LNX1: variants seen among roughly 807,000 people sequenced by gnomAD.
The protein encoded by LNX1 is E3 ubiquitin-protein ligase LNX.
In LNX1, 54 loss-of-function variants were observed where a neutral mutation model predicts 68.4. That is an observed-to-expected ratio of 0.79 (90% CI 0.63 to 0.99). The LOEUF (loss-of-function observed/expected upper bound fraction) is 0.99. Among genes scored for constraint, LNX1 ranks in the 50% least tolerant of loss-of-function variants. The pLI is 0.00. For synonymous variants in LNX1, 336 were observed against 350.0 expected (o/e 0.96, Z 0.45); for missense variants, 906 against 926.4 (o/e 0.98, Z 0.29).
intron 2 of LNX1, among the ~76,000 whole-genome samples, chr4:53,509,103 G>A (rs550341045): frequency 2.7e-4 from 41 of 152,236 alleles, no homozygotes; most frequent in African/African-American, 9.1e-4. Flanking sequence ...ACTGCCACTC[G>A]GCAAGTCATT....
chr4:53,584,569 C>T (rs113885431), intron 1 of LNX1, among the ~76,000 whole-genome samples: 4 of 152,080 alleles, frequency 2.6e-5, no homozygotes, highest in Non-Finnish European at 5.9e-5. Flanking sequence ...ATGATAAATG[C>T]GATCTGGACA....
chr4:53,619,759 C>G (rs60502260), upstream of LNX1, among the ~76,000 whole-genome samples: 2,785 of 152,188 alleles, frequency 0.018, 84 homozygotes, highest in African/African-American at 0.063. Context: ...CATGGTAATT[C>G]TATGTTTAAT....
In LNX1 at chr4:53,508,177, G is replaced by T; in HGVS notation, c.431C>A (p.Ser144Ter). 1 of 1,614,166 alleles carries T rather than the reference G, an allele frequency of 6.2e-7. No individual in the cohort carries two copies. Among genetic ancestry groups the T allele is most frequent in the South Asian group, 1.1e-5 (1 of 91,086 alleles). Residue 144 changes from serine to a stop codon, truncating the protein, a stop_gained, in exon 3 of 11, where the codon TCA becomes TAA. Transcript: ENST00000263925. LOFTEE classifies it high-confidence loss of function. ...YGLTKDRKRR[S>*]QDGCPDGCAS... ...ACAGCCGTCTGGACAGCCATCTTGT[G>T]AGCGCCTCTTCCTATCTTTGGTCAG... is the stretch of plus-strand genomic sequence containing the variant.
At chr4:53,497,940 A>G (rs1414661167) in intron 5 of LNX1, among the ~76,000 whole-genome samples, 1 of 152,176 alleles carries the variant, frequency 6.6e-6, no homozygotes, top group African/African-American at 2.4e-5. Context: ...TAGAAAATAT[A>G]CGAGCAGGGA....
At chr4:53,520,412 C>T (rs1727125970) in intron 2 of LNX1, among the ~76,000 whole-genome samples, 1 of 152,178 alleles carries the variant, frequency 6.6e-6, no homozygotes, top group African/African-American at 2.4e-5. Flanking sequence ...GGCTTGGGCA[C>T]AGTCCACATG....
chr4:53,569,305 C>A (rs1317422514), intron 2 of LNX1, among the ~76,000 whole-genome samples: 1 of 145,908 alleles, frequency 6.9e-6, no homozygotes, highest in Non-Finnish European at 1.5e-5. Flanking sequence ...GTACTGGTAC[C>A]AAAACAGAGA....
intron 2 of LNX1, among the ~76,000 whole-genome samples, chr4:53,561,990 C>T (rs866226857): frequency 6.6e-5 from 10 of 152,076 alleles, no homozygotes; most frequent in South Asian, 4.1e-4. Flanking sequence ...AAACAATTCA[C>T]GTATGTTTTC....
At chr4:53,624,490 A>G in intron 1 of LNX1, among the ~76,000 whole-genome samples, 1 of 152,222 alleles carries the variant, frequency 6.6e-6, no homozygotes, top group East Asian at 1.9e-4. Context: ...GCCACATGCA[A>G]CTGTGAGTCC....
chr4:53,483,660 G>A (rs1324587625), intron 6 of LNX1, among the ~76,000 whole-genome samples: 1 of 152,200 alleles, frequency 6.6e-6, no homozygotes, highest in South Asian at 2.1e-4. Context: ...AAGGGAGATG[G>A]AAGAGAGAGG....
intron 1 of LNX1, among the ~76,000 whole-genome samples, chr4:53,581,281 A>C (rs548252261): frequency 6.6e-6 from 1 of 152,210 alleles, no homozygotes; most frequent in East Asian, 1.9e-4. Flanking sequence ...AAGTTGAAAA[A>C]TGTGGAAAAC....
At chr4:53,636,717 T>A (rs1734494077) in intron 1 of LNX1, among the ~76,000 whole-genome samples, 1 of 152,144 alleles carries the variant, frequency 6.6e-6, no homozygotes, top group Admixed American at 6.5e-5. Context: ...CATTTTCCTA[T>A]CAGGGAGCAA....
chr4:53,584,436 G>A (rs193289347), intron 1 of LNX1, among the ~76,000 whole-genome samples: 167 of 152,310 alleles, frequency 1.1e-3, no homozygotes, highest in African/African-American at 3.5e-3. Flanking sequence ...ACATGGCAAT[G>A]TGTATAATGC....
chr4:53,568,053 A>G (rs1401918509), intron 2 of LNX1, among the ~76,000 whole-genome samples: 6 of 152,158 alleles, frequency 3.9e-5, no homozygotes, highest in African/African-American at 7.2e-5. Flanking sequence ...TCACAGCCGA[A>G]TTCTACCAGA....
intron 2 of LNX1, among the ~76,000 whole-genome samples, chr4:53,523,644 A>T (rs1285927114): frequency 6.6e-6 from 1 of 152,208 alleles, no homozygotes; most frequent in Non-Finnish European, 1.5e-5. Flanking sequence ...ATAGTAGCCT[A>T]TTAGTAGGAG....
chr4:53,624,738 A>G (rs1734010738), intron 1 of LNX1, among the ~76,000 whole-genome samples: 1 of 152,096 alleles, frequency 6.6e-6, no homozygotes, highest in African/African-American at 2.4e-5. Flanking sequence ...TTTCTGCAGC[A>G]TTTGGTCCTG....
At chr4:53,492,615 T>G in intron 6 of LNX1, among the ~76,000 whole-genome samples, 1 of 145,952 alleles carries the variant, frequency 6.9e-6, no homozygotes, top group African/African-American at 2.6e-5. Flanking sequence ...AGAGAGATGA[T>G]TAAGTGTGGA....
chr4:53,576,518 T>C (rs1731497746), intron 1 of LNX1: 2 of 1,099,712 alleles, frequency 1.8e-6, no homozygotes, highest in East Asian at 6.0e-5. Context: ...GGTGCTTTTG[T>C]AGATCTTGTA....
At chr4:53,491,005 G>A (rs1724641583) in intron 6 of LNX1, among the ~76,000 whole-genome samples, 1 of 152,084 alleles carries the variant, frequency 6.6e-6, no homozygotes, top group Non-Finnish European at 1.5e-5. Context: ...CCAGTGTTAG[G>A]CAAGGTTTTA....
intron 9 of LNX1, among the ~76,000 whole-genome samples, chr4:53,473,423 T>C (rs565112865): frequency 6.6e-6 from 1 of 152,172 alleles, no homozygotes; most frequent in Non-Finnish European, 1.5e-5. Context: ...AATGGTAGAC[T>C]AGATAAAGAA....
Sources: gnomAD v4.1 joint callset for allele counts (sites outside exome capture counted in the v4.1 genomes callset) on GRCh38, gnomAD v4.1.1 for gene constraint, MANE v1.5 for transcripts, NCBI Gene and HGNC (gene_info 2026-07-23, HGNC 2026-07-21) for gene names.